AKT1: variants seen among roughly 807,000 people sequenced by gnomAD.
AKT1 encodes RAC-alpha serine/threonine-protein kinase.
AKT1 carries 21 observed loss-of-function variants against 63.1 expected under a neutral mutation model. The observed-to-expected ratio is 0.33, with a 90% CI of 0.24 to 0.48. The LOEUF (loss-of-function observed/expected upper bound fraction) is 0.48. AKT1 is among the 20% of genes least tolerant of loss of function. The pLI is 0.99. For missense variants in AKT1, 382 were observed against 666.0 expected, an observed-to-expected ratio of 0.57 and a Z score of 4.69; for synonymous variants, 257 against 253.1, an observed-to-expected ratio of 1.02 and a Z score of -0.15.
Position 104,775,873 on chromosome 14 carries a change from C to G in AKT1, c.288-74G>C, listed in dbSNP as rs1892673618. The G allele has an allele frequency of 1.9e-6, 3 of 1,539,660 alleles. No homozygotes were observed. The African/African-American group carries it at 4.1e-5, about 21-fold the overall frequency. On this transcript the variant is annotated intron_variant, in intron 5 of 14. Coordinates refer to ENST00000649815, the MANE Select transcript of AKT1 (RefSeq NM_001382430.1). ...CACCCCACGTCTTTCACCCACCCGC[C>G]AGCCTCACAAGCGTGGTTCCACAGC... is the stretch of plus-strand genomic sequence containing the variant.
At chr14:104,776,879 T>A in intron 4 of AKT1, 109 bp from the exon 5 acceptor site, 1 of 853,728 alleles carries the variant, frequency 1.2e-6, no homozygotes. Context: ...ACCCACCAGG[T>A]CCTGGGAAGC....
intron 3 of AKT1, among the ~76,000 whole-genome samples, chr14:104,784,353 G>A (rs751337288): frequency 9.8e-5 from 15 of 152,292 alleles, no homozygotes; most frequent in Non-Finnish European, 1.8e-4. Context: ...CATGGGAGGT[G>A]GCTGCCCTCG....
intron 3 of AKT1, among the ~76,000 whole-genome samples, chr14:104,792,342 C>T (rs2141005588): frequency 6.6e-6 from 1 of 152,300 alleles, no homozygotes; most frequent in Admixed American, 6.5e-5. Context: ...CAGCAGCTCC[C>T]CCGCCTGCCA....
intron 11 of AKT1, 79 bp downstream of exon 11, chr14:104,773,172 G>T (rs895830349): frequency 1.9e-6 from 3 of 1,609,784 alleles, no homozygotes; most frequent in Admixed American, 3.3e-5. Context: ...CGTGCTTGGG[G>T]CACAGAGAGG....
chr14:104,769,351 T>G lies in AKT1; in HGVS notation c.*990A>C, dbSNP rs1892244075. 1 of 240,146 alleles carries G rather than the reference T, an allele frequency of 4.2e-6. No homozygotes were observed. 14.9% of individuals were successfully genotyped at this position (240,146 alleles called of 1,614,324 possible). On this transcript the variant is annotated 3_prime_UTR_variant, in exon 15 of 15. Transcript: ENST00000649815. The stretch of plus-strand genomic sequence containing the variant: ...CACCCAGCAAAGTGAGCCAAAAATT[T>G]GAAAAGCAACTTTTATTGAAGAATT...
chr14:104,770,343 AGGCCGTGCCGCT>A lies in AKT1; in HGVS notation c.1429_1440del (p.Ser477_Ala480del). The A allele has an allele frequency of 6.2e-7, 1 of 1,610,724 alleles. No individual in the cohort carries two copies. Among genetic ancestry groups the A allele is most frequent in the Non-Finnish European group, 8.5e-7 (1 of 1,179,498 alleles). The stretch of plus-strand genomic sequence containing the variant: ...GTCCAGCGCAGTCCACCGCCGCCTC[AGGCCGTGCCGCT>A]GGCCGAGTAGGAGAACTGGGGGAAG... On this transcript the variant is annotated inframe_deletion, in exon 15 of 15. Transcript: ENST00000649815.
chr14:104,781,539 C>A (rs1267081372), intron 3 of AKT1, among the ~76,000 whole-genome samples: 2 of 152,220 alleles, frequency 1.3e-5, no homozygotes, highest in African/African-American at 2.4e-5. Flanking sequence ...CGGGGGAGTT[C>A]TTTAATAGAG....
intron 3 of AKT1, among the ~76,000 whole-genome samples, chr14:104,790,991 C>T (rs1566826194): frequency 6.6e-6 from 1 of 152,200 alleles, no homozygotes; most frequent in African/African-American, 2.4e-5. Context: ...GATGTCCTGT[C>T]CCTGCCAGGC....
intron 3 of AKT1, among the ~76,000 whole-genome samples, chr14:104,789,145 G>A (rs998783788): frequency 6.6e-6 from 1 of 152,232 alleles, no homozygotes; most frequent in Non-Finnish European, 1.5e-5. Flanking sequence ...CGACCAGCCT[G>A]AGGGAGTCCA....
intron 3 of AKT1, among the ~76,000 whole-genome samples, chr14:104,782,010 G>A (rs548768672): frequency 6.2e-4 from 94 of 152,302 alleles, no homozygotes; most frequent in Non-Finnish European, 1.3e-3. Flanking sequence ...TCCCTGACCT[G>A]GGATCTCGCA....
At chr14:104,789,148 G>A (rs1893494931) in intron 3 of AKT1, among the ~76,000 whole-genome samples, 1 of 152,200 alleles carries the variant, frequency 6.6e-6, no homozygotes. Context: ...CCAGCCTGAG[G>A]GAGTCCAGGT....
intron 11 of AKT1, 61 bp from the exon 12 acceptor site, chr14:104,773,153 G>A: frequency 1.9e-6 from 3 of 1,610,312 alleles, no homozygotes; most frequent in Non-Finnish European, 2.5e-6. Context: ...ACTGCCGGGG[G>A]AGGTGTGACG....
Position 104,769,910 on chromosome 14 carries a change from C to G in AKT1, c.*431G>C, listed in dbSNP as rs1032571139. On this transcript the variant is annotated 3_prime_UTR_variant, in exon 15 of 15. Coordinates refer to ENST00000649815, the MANE Select transcript of AKT1 (RefSeq NM_001382430.1). The stretch of plus-strand genomic sequence containing the variant: ...CATAGTGAGGTTGCATCTGGTGCCA[C>G]CAGGTTGAACTGAGGCCCAGGGCCC... 2 of 395,242 alleles carry G rather than the reference C, an allele frequency of 5.1e-6. No individual in the cohort carries two copies. Among genetic ancestry groups the G allele is most frequent in the African/African-American group, 4.1e-5 (2 of 48,368 alleles). The allele number at this position is 395,242 out of a possible 1,614,324, so 24.5% of individuals were successfully genotyped here.
At position 104,790,124 on chromosome 14, in the gene AKT1, G is replaced by A. The variant is rs557634530; in HGVS notation, c.46+2474C>T. Among the ~76,000 whole-genome samples the A allele has an allele frequency of 3.9e-5, 6 of 152,292 alleles. 1 individual carries two copies. The highest frequency in any genetic ancestry group is 1.2e-4 in the African/African-American group (5 of 41,550). On this transcript the variant is annotated intron_variant, in intron 3 of 14. Transcript: ENST00000649815. ...ACCCCTGAAGGCACCATCACGCCAC[G>A]TGTGGCCAGCCCAAGTAGCCGTGGT...
chr14:104,769,753 C>T lies in AKT1; in HGVS notation c.*588G>A. On this transcript the variant is annotated 3_prime_UTR_variant, in exon 15 of 15. Coordinates refer to ENST00000649815, the MANE Select transcript of AKT1 (RefSeq NM_001382430.1). ...TTGCTCCTCTGTCCCACTGGGTAAA[C>T]CCTGGCCCATCCCCCATCCCTGGTC... 1 of 398,110 alleles carries T rather than the reference C, an allele frequency of 2.5e-6. No individual in the cohort carries two copies. The highest frequency in any genetic ancestry group is 4.7e-6 in the Non-Finnish European group (1 of 211,034). The allele number at this position is 398,110 out of a possible 1,614,324, so 24.7% of individuals were successfully genotyped here. A position where few individuals can be genotyped will look rare whatever the true frequency, so the allele number is the denominator to read the frequency against.
intron 3 of AKT1, among the ~76,000 whole-genome samples, chr14:104,784,192 G>A (rs1276604940): frequency 6.6e-6 from 1 of 152,146 alleles, no homozygotes; most frequent in African/African-American, 2.4e-5. Flanking sequence ...CCAGCCCTGG[G>A]CCAGGTGGGA....
In AKT1 at chr14:104,769,831, C is replaced by G. The variant is rs1478796473; in HGVS notation, c.*510G>C. On this transcript the variant is annotated 3_prime_UTR_variant, in exon 15 of 15. Transcript: ENST00000649815. ...CGTCCTCAGAGACACGGCCTTAGTG[C>G]TGGGGGGCTGCTGTGTGCCTGCCAC... is the stretch of plus-strand genomic sequence containing the variant. 1.3e-5 allele frequency: 5 copies of G among 393,126 alleles called. No individual in the cohort carries two copies. The highest frequency in any genetic ancestry group is 6.2e-5 in the African/African-American group (3 of 48,082). The allele number at this position is 393,126 out of a possible 1,614,324, so 24.4% of individuals were successfully genotyped here.
chr14:104,780,967 C>G (rs186144787), intron 3 of AKT1, among the ~76,000 whole-genome samples: 6 of 152,310 alleles, frequency 3.9e-5, no homozygotes, highest in Non-Finnish European at 8.8e-5. Context: ...GACCCACACT[C>G]AGGCCCTGCC....
intron 12 of AKT1, 28 bp downstream of exon 12, chr14:104,772,850 G>A (rs935543623): frequency 6.3e-7 from 1 of 1,590,108 alleles, no homozygotes; most frequent in African/African-American, 1.3e-5. Context: ...TGGAGGTGTA[G>A]CCTGTAGCTG....
Sources: allele counts gnomAD v4.1 joint callset (sites outside exome capture counted in the v4.1 genomes callset), GRCh38; gene constraint gnomAD v4.1.1; transcripts MANE v1.5; gene names NCBI Gene and HGNC (gene_info 2026-07-23, HGNC 2026-07-21).